Variants in USP31 observed in about 807,000 individuals in gnomAD.
USP31 encodes ubiquitin specific peptidase 31, also known as ubiquitin carboxyl-terminal hydrolase 31.
Under a neutral mutation model 119.4 loss-of-function variants are expected in USP31, and 44 were observed. The ratio of observed to expected loss-of-function variants is 0.37; its 90% CI spans 0.29 to 0.47. USP31 has a LOEUF of 0.47. Among genes scored for constraint, USP31 ranks in the 20% least tolerant of loss-of-function variants. The probability of loss-of-function intolerance (pLI) is 0.99; values close to 1 mark genes in which losing one functional copy is unlikely to be tolerated. For synonymous variants in USP31, 749 were observed against 705.6 expected, an observed-to-expected ratio of 1.06 and a Z score of -0.97; for missense variants, 1,643 against 1,730.2, an observed-to-expected ratio of 0.95 and a Z score of 0.89.
At position 23,103,854 on chromosome 16, in the gene USP31, G is replaced by A. The variant is rs561424548; in HGVS notation, c.1090-1391C>T. On this transcript the variant is annotated intron_variant, in intron 5 of 15. Coordinates refer to ENST00000219689, the MANE Select transcript of USP31 (RefSeq NM_020718.4). ...TGCTTGAGCCCACAAGGTTGAGGTTGCAGTGAGCCATGATCACACCAATGC... is the reference window on the plus strand; with the variant it reads ...TGCTTGAGCCCACAAGGTTGAGGTTACAGTGAGCCATGATCACACCAATGC... Among the ~76,000 whole-genome samples the A allele has an allele frequency of 6.6e-5, 10 of 152,286 alleles. No homozygotes were observed. The South Asian group carries it at 1.7e-3, about 25-fold the overall frequency.
At chr16:23,087,634 A>G (rs1901166350) in intron 8 of USP31, 90 bp downstream of exon 8, 2 of 1,235,388 alleles carry the variant, frequency 1.6e-6, no homozygotes, top group African/African-American at 3.0e-5. Flanking sequence ...CTGGAAATCT[A>G]AACACAAGAA....
intron 15 of USP31, 80 bp from the exon 16 acceptor site, chr16:23,069,696 C>T (rs1900268882): frequency 2.0e-6 from 3 of 1,494,024 alleles, no homozygotes; most frequent in Admixed American, 2.2e-5. Flanking sequence ...GAAGGTGAAA[C>T]GAAGGTAAGC....
chr16:23,116,944 T>A lies in USP31; in HGVS notation c.634-8761A>T, dbSNP rs547384146. Among the ~76,000 whole-genome samples the A allele has an allele frequency of 2.0e-5, 3 of 152,336 alleles. No homozygotes were observed. In the East Asian group the frequency reaches 5.8e-4, roughly 29 times the overall value. ...TGTTATTCCTGGTACAGGTTGAGTA[T>A]CCCTTATGCAAAATGCTCAGAACCA... On this transcript the variant is annotated intron_variant, in intron 1 of 15. Transcript: ENST00000219689.
chr16:23,116,855 G>A (rs1902500614), intron 1 of USP31, among the ~76,000 whole-genome samples: 1 of 152,164 alleles, frequency 6.6e-6, no homozygotes, highest in Non-Finnish European at 1.5e-5. Flanking sequence ...AACCTGATGA[G>A]GACAGGAGCA....
In USP31 at chr16:23,063,491, G is replaced by A. The variant is rs766213503; in HGVS notation, c.*4555C>T. 1.3e-5 allele frequency: 2 copies of A among 152,542 alleles called. No individual in the cohort carries two copies. The highest frequency in any genetic ancestry group is 2.4e-5 in the African/African-American group (1 of 41,424). 9.4% of individuals were successfully genotyped at this position (152,542 alleles called of 1,614,324 possible). A position where few individuals can be genotyped will look rare whatever the true frequency, so the allele number is the denominator to read the frequency against. On this transcript the variant is annotated 3_prime_UTR_variant, in exon 16 of 16. Coordinates refer to ENST00000219689, the MANE Select transcript of USP31 (RefSeq NM_020718.4). ...TATAGAAAATGGCAGGTTATTTTTAGAACAAAACACTTTAGGAAAGTCTTC... is the reference window on the plus strand; with the variant it reads ...TATAGAAAATGGCAGGTTATTTTTAAAACAAAACACTTTAGGAAAGTCTTC...
chr16:23,105,143 A>G (rs537504296), intron 5 of USP31, among the ~76,000 whole-genome samples: 1 of 152,310 alleles, frequency 6.6e-6, no homozygotes, highest in African/African-American at 2.4e-5. Flanking sequence ...CCACATACAC[A>G]TCCACAGGAA....
rs1396889554 is a variant in USP31 at position 23,064,259 on chromosome 16, T to A, written c.*3787A>T. On this transcript the variant is annotated 3_prime_UTR_variant, in exon 16 of 16. Transcript: ENST00000219689. ...ACAATCACTTCGGCTGTTCAGTAAT[T>A]TGTCCGAATGAAATGTAACGTCTGA... 1 of 152,570 alleles carries A rather than the reference T, an allele frequency of 6.6e-6. No homozygotes were observed. The highest frequency in any genetic ancestry group is 2.4e-5 in the African/African-American group (1 of 41,444). The allele number at this position is 152,570 out of a possible 1,614,324, so 9.5% of individuals were successfully genotyped here. A position where few individuals can be genotyped will look rare whatever the true frequency, so the allele number is the denominator to read the frequency against.
chr16:23,105,686 A>G (rs1451204421), intron 4 of USP31, 110 bp from the exon 5 acceptor site: 1 of 1,242,390 alleles, frequency 8.0e-7, no homozygotes, highest in African/African-American at 1.6e-5. Context: ...GCTAACCCAC[A>G]CTGTTACTCG....
At chr16:23,110,956 G>T (rs11648719) in intron 1 of USP31, among the ~76,000 whole-genome samples, 47,251 of 151,602 alleles carry the variant, frequency 0.31, 7,669 homozygotes, top group African/African-American at 0.38. Flanking sequence ...GTGAAACCCC[G>T]TCTCTACTAA....
intron 14 of USP31, among the ~76,000 whole-genome samples, chr16:23,072,997 C>G (rs1418354731): frequency 1.3e-5 from 2 of 152,078 alleles, no homozygotes; most frequent in African/African-American, 4.8e-5. Flanking sequence ...GGATTCATAG[C>G]CCCTAACCTG....
Position 23,079,939 on chromosome 16 carries a change from T to C in USP31, c.2176+7A>G. The C allele has an allele frequency of 6.2e-7, 1 of 1,603,524 alleles. No homozygotes were observed. The highest frequency in any genetic ancestry group is 2.3e-5 in the East Asian group (1 of 44,096). The stretch of plus-strand genomic sequence containing the variant: ...AGCACAGACACGCAGCCTCTCACAC[T>C]GCAGACCTGTGTAGTGCCCCCCTTG... On this transcript the variant is annotated splice_region_variant and intron_variant, in intron 13 of 15. Transcript: ENST00000219689.
intron 1 of USP31, among the ~76,000 whole-genome samples, chr16:23,134,089 T>TCA (rs10557354): frequency 0.013 from 1,836 of 146,420 alleles, 27 homozygotes; most frequent in Middle Eastern, 0.055. Flanking sequence ...TCTCTCTCTC[T>TCA]CACACACACA....
Position 23,149,249 on chromosome 16 carries a change from C to T in USP31, c.22G>A (p.Gly8Arg), listed in dbSNP as rs916642726. ...CTCGCCGCCGCCGGCGGCCCGGACC[C>T]AGGCGCCGTTACCTTGGACATGGCG... MSKVTAP[G>R]SGPPAAASGK... is the part of the protein sequence containing the mutation. Residue 8 changes from glycine to arginine, a missense_variant, in exon 1 of 16, where the codon GGG becomes AGG. By Grantham distance (125) the Gly-to-Arg change is moderately radical (BLOSUM62 -2). Coordinates refer to ENST00000219689, the MANE Select transcript of USP31 (RefSeq NM_020718.4). The T allele has an allele frequency of 1.2e-4, 138 of 1,113,606 alleles. No individual in the cohort carries two copies. Among genetic ancestry groups the T allele is most frequent in the Admixed American group, 1.6e-4 (3 of 19,164 alleles). 69.0% of individuals were successfully genotyped at this position (1,113,606 alleles called of 1,614,324 possible).
At chr16:23,109,197 G>A (rs983602380) in intron 1 of USP31, among the ~76,000 whole-genome samples, 13 of 152,164 alleles carry the variant, frequency 8.5e-5, no homozygotes, top group Non-Finnish European at 1.5e-4. Flanking sequence ...ACTGAAAGGC[G>A]AAGAAGTAGT....
intron 6 of USP31, among the ~76,000 whole-genome samples, chr16:23,099,067 T>C (rs1596708872): frequency 6.6e-6 from 1 of 152,286 alleles, no homozygotes; most frequent in African/African-American, 2.4e-5. Flanking sequence ...TTTTGCAATC[T>C]ATCCATCTGA....
chr16:23,108,153 G>C lies in USP31; in HGVS notation c.664C>G (p.Arg222Gly). The part of the protein sequence containing the change: ...TIVSKNALQY[R>G]GNSQHDAQEF... ...TGGGCATCATGTTGGGAATTTCCCC[G>C]GTACTGCAGTGCATTCTTTGACACA... The change falls in exon 2 of 16, where the codon CGG becomes GGG. Residue 222 changes from arginine to glycine, a missense_variant. By Grantham distance (125) the Arg-to-Gly change is moderately radical (BLOSUM62 -2). Transcript: ENST00000219689. 2 of 1,613,654 alleles carry C rather than the reference G, an allele frequency of 1.2e-6. No homozygotes were observed. The highest frequency in any genetic ancestry group is 1.7e-6 in the Non-Finnish European group (2 of 1,179,806).
intron 1 of USP31, among the ~76,000 whole-genome samples, chr16:23,139,083 C>G (rs1168790156): frequency 6.6e-6 from 1 of 151,112 alleles, no homozygotes; most frequent in East Asian, 1.9e-4. Flanking sequence ...AAAATACCAA[C>G]CTGATTTGTT....
chr16:23,105,459 T>C lies in USP31; in HGVS notation c.1071A>G (p.Thr357=). The part of the protein sequence containing the change: ...ARLREAVSME[T]KIPTDQIVLT... ...TTATTACCTGATCAGTGGGGATCTT[T>C]GTTTCCATAGACACTGCTTCCCGAA... The change falls in exon 5 of 16, where the codon ACA becomes ACG. Residue 357 remains threonine (T), a synonymous_variant. Transcript: ENST00000219689. 1 of 1,613,992 alleles carries C rather than the reference T, an allele frequency of 6.2e-7. No individual in the cohort carries two copies. The highest frequency in any genetic ancestry group is 1.3e-5 in the African/African-American group (1 of 75,052).
Position 23,086,895 on chromosome 16 carries a change from C to A in USP31, c.1622+197G>T, listed in dbSNP as rs189184937. Among the ~76,000 whole-genome samples, 25 of 152,224 alleles carry A rather than the reference C, an allele frequency of 1.6e-4. No homozygotes were observed. The East Asian group carries it at 3.1e-3, about 19-fold the overall frequency. On this transcript the variant is annotated intron_variant, in intron 9 of 15. Coordinates refer to ENST00000219689, the MANE Select transcript of USP31 (RefSeq NM_020718.4). ...AATTTGCTTTCCTAACCCAAGTCCTCCAGGGCTTTTCTTATTTCAAGAAAG... is the reference window on the plus strand; with the variant it reads ...AATTTGCTTTCCTAACCCAAGTCCTACAGGGCTTTTCTTATTTCAAGAAAG...
Sources: allele counts gnomAD v4.1 joint callset (sites outside exome capture counted in the v4.1 genomes callset), GRCh38; gene constraint gnomAD v4.1.1; transcripts MANE v1.5; gene names NCBI Gene and HGNC (gene_info 2026-07-23, HGNC 2026-07-21).